CDC42BPA: variants seen among roughly 807,000 people sequenced by gnomAD.
CDC42BPA encodes serine/threonine-protein kinase MRCK alpha.
CDC42BPA carries 80 observed loss-of-function variants against 223.5 expected under a neutral mutation model. The ratio of observed to expected loss-of-function variants is 0.36; its 90% CI spans 0.30 to 0.43. The LOEUF is 0.43. Ranked by LOEUF, CDC42BPA falls within the 20% of genes least tolerant of loss-of-function variation. CDC42BPA has a pLI of 1.00. For synonymous variants in CDC42BPA, 694 were observed against 718.6 expected, an observed-to-expected ratio of 0.97 and a Z score of 0.55; for missense variants, 1,743 against 2,099.9, an observed-to-expected ratio of 0.83 and a Z score of 3.32.
chr1:227,082,442 C>T (rs1485165226), intron 16 of CDC42BPA, among the ~76,000 whole-genome samples: 1 of 151,886 alleles, frequency 6.6e-6, no homozygotes, highest in African/African-American at 2.4e-5. Context: ...TGGCTGGGCA[C>T]GGTGGCTCAC....
intron 2 of CDC42BPA, among the ~76,000 whole-genome samples, chr1:227,242,887 A>C (rs866389260): frequency 8.5e-5 from 13 of 152,238 alleles, no homozygotes; most frequent in Non-Finnish European, 1.6e-4. Context: ...CATTCACTGC[A>C]GCACTATTCA....
intron 1 of CDC42BPA, among the ~76,000 whole-genome samples, chr1:227,258,176 GAAAA>G (rs60156840): frequency 1.8e-5 from 2 of 108,108 alleles, no homozygotes; most frequent in Non-Finnish European, 3.7e-5. Flanking sequence ...CCCTGTCCGG[GAAAA>G]AAAAAAAAAA....
rs569879499 is a variant in CDC42BPA, at chr1:227,129,666, C to CAAAAA, written c.1391-440_1391-436dup. Among the ~76,000 whole-genome samples, 51 of 33,918 alleles carry CAAAAA rather than the reference C, an allele frequency of 1.5e-3. 2 individuals carry two copies. The highest frequency in any genetic ancestry group is 5.4e-3 in the African/African-American group (39 of 7,250). The allele number at this position is 33,918 out of a possible 152,430, so 22.3% of individuals were successfully genotyped here. ...TGGGAGACAAAGTGAGACTGTATCTCAAAAAAAAAAAAAAAAAAAAAAAAA... is the reference window on the plus strand; with the variant it reads ...TGGGAGACAAAGTGAGACTGTATCTCAAAAAAAAAAAAAAAAAAAAAAAAAAAAAA... On this transcript the variant is annotated intron_variant, in intron 10 of 36. Coordinates refer to ENST00000366766, the MANE Select transcript of CDC42BPA (RefSeq NM_001394014.1).
intron 32 of CDC42BPA, among the ~76,000 whole-genome samples, chr1:227,020,204 G>C (rs1327767298): frequency 5.3e-5 from 8 of 152,164 alleles, no homozygotes; most frequent in Non-Finnish European, 1.0e-4. Context: ...CCGAGTTACT[G>C]TAACTCTTAA....
In CDC42BPA at chr1:227,208,900, T is replaced by C. The variant is rs1170437909; in HGVS notation, c.354+4236A>G. ...TTTTCCAATTCTGTGAAGAAAGTCATTGGTAGCTTTATGGGGATGGCATTG... is the reference window on the plus strand; with the variant it reads ...TTTTCCAATTCTGTGAAGAAAGTCACTGGTAGCTTTATGGGGATGGCATTG... On this transcript the variant is annotated intron_variant, in intron 3 of 36. Coordinates refer to ENST00000366766, the MANE Select transcript of CDC42BPA (RefSeq NM_001394014.1). Among the ~76,000 whole-genome samples the C allele has an allele frequency of 4.6e-5, 7 of 152,228 alleles. No individual in the cohort carries two copies. In the South Asian group the frequency reaches 1.2e-3, roughly 27 times the overall value.
At chr1:227,267,065 T>C (rs61834624) in intron 1 of CDC42BPA, among the ~76,000 whole-genome samples, 10,389 of 152,180 alleles carry the variant, frequency 0.068, 495 homozygotes, top group Non-Finnish European at 0.1. Context: ...TAGAAGGATA[T>C]TATAAGATTA....
At chr1:227,108,436 T>TAG in intron 14 of CDC42BPA, among the ~76,000 whole-genome samples, 1 of 152,150 alleles carries the variant, frequency 6.6e-6, no homozygotes, top group Non-Finnish European at 1.5e-5. Flanking sequence ...AATTGATTTC[T>TAG]AGCTCCATTC....
intron 6 of CDC42BPA, among the ~76,000 whole-genome samples, chr1:227,152,940 A>G (rs1054602598): frequency 6.6e-6 from 1 of 152,056 alleles, no homozygotes; most frequent in African/African-American, 2.4e-5. Flanking sequence ...AATTAAATAT[A>G]TCCTCATGCC....
chr1:227,265,143 T>C (rs2670470), intron 1 of CDC42BPA: 608,557 of 735,644 alleles, frequency 0.83, 252,295 homozygotes, highest in East Asian at 0.88. Flanking sequence ...GTACTAAGAT[T>C]CCAGCAACCA....
At chr1:227,220,559 C>T (rs553986012) in intron 2 of CDC42BPA, among the ~76,000 whole-genome samples, 11 of 152,018 alleles carry the variant, frequency 7.2e-5, no homozygotes, top group Non-Finnish European at 1.6e-4. Context: ...CCTGCCACCA[C>T]AAACTATCCC....
At chr1:227,115,105 T>C (rs1441272333) in intron 12 of CDC42BPA, among the ~76,000 whole-genome samples, 1 of 152,076 alleles carries the variant, frequency 6.6e-6, no homozygotes, top group African/African-American at 2.4e-5. Context: ...CACTTGAAAA[T>C]TGTTTAGATG....
intron 1 of CDC42BPA, among the ~76,000 whole-genome samples, chr1:227,311,354 T>C (rs1323502453): frequency 2.0e-5 from 3 of 152,108 alleles, no homozygotes; most frequent in African/African-American, 7.2e-5. Flanking sequence ...TCTTGACTCA[T>C]CAAGACAGGG....
chr1:227,105,653 C>T (rs959141103), intron 14 of CDC42BPA, among the ~76,000 whole-genome samples: 2 of 152,120 alleles, frequency 1.3e-5, no homozygotes, highest in Non-Finnish European at 1.5e-5. Context: ...TGCATCGGGC[C>T]TGAATTTGCC....
chr1:227,199,451 A>G, intron 4 of CDC42BPA, 106 bp downstream of exon 4: 1 of 687,828 alleles, frequency 1.5e-6, no homozygotes, highest in South Asian at 1.9e-5. Flanking sequence ...TATGAAATGC[A>G]CTTAATTTTC....
In CDC42BPA at chr1:226,994,103, T is replaced by C; in HGVS notation, c.*165A>G. ...TGTTGTTGCTGTTAGGCTGGGGGCG[T>C]GGATCTGAGAGTCGTGTCGTCAGAA... On this transcript the variant is annotated 3_prime_UTR_variant, in exon 37 of 37. Coordinates refer to ENST00000366766, the MANE Select transcript of CDC42BPA (RefSeq NM_001394014.1). The surrounding 1 kb of genome is among the most constrained non-coding windows in gnomAD (Gnocchi z 4.0). The C allele has an allele frequency of 3.4e-6, 2 of 581,350 alleles. No individual in the cohort carries two copies. The highest frequency in any genetic ancestry group is 6.0e-6 in the Non-Finnish European group (2 of 332,198). 36.0% of individuals were successfully genotyped at this position (581,350 alleles called of 1,614,324 possible).
chr1:227,032,881 G>C (rs1032373777), intron 27 of CDC42BPA, among the ~76,000 whole-genome samples: 1 of 152,184 alleles, frequency 6.6e-6, no homozygotes, highest in Non-Finnish European at 1.5e-5. Context: ...GACACCACAA[G>C]AACTGTACAG....
chr1:226,991,697 T>G lies in CDC42BPA; in HGVS notation c.*2571A>C, dbSNP rs547462588. 1 of 151,974 alleles carries G rather than the reference T, an allele frequency of 6.6e-6. No individual in the cohort carries two copies. The highest frequency in any genetic ancestry group is 2.1e-4 in the South Asian group (1 of 4,808). The allele number at this position is 151,974 out of a possible 1,614,324, so 9.4% of individuals were successfully genotyped here. The stretch of plus-strand genomic sequence containing the variant: ...GGCAACCTAGACAAGCCTCAGTAGC[T>G]CTCTCTCTCTGCCCTGTTGGGAGGC... On this transcript the variant is annotated 3_prime_UTR_variant, in exon 37 of 37. Coordinates refer to ENST00000366766, the MANE Select transcript of CDC42BPA (RefSeq NM_001394014.1).
intron 23 of CDC42BPA, among the ~76,000 whole-genome samples, chr1:227,046,238 T>C (rs773091940): frequency 3.3e-5 from 5 of 152,116 alleles, no homozygotes; most frequent in Admixed American, 2.6e-4. Context: ...AAACATATGA[T>C]GTGCTTGTTA....
At chr1:227,035,334 G>T in intron 25 of CDC42BPA, 137 bp downstream of exon 25, 2 of 642,084 alleles carry the variant, frequency 3.1e-6, no homozygotes, top group Non-Finnish European at 2.5e-6. Context: ...CATTATTCTA[G>T]ATGAAATAAA....
Sources: allele counts gnomAD v4.1 joint callset (sites outside exome capture counted in the v4.1 genomes callset), GRCh38; gene constraint gnomAD v4.1.1; non-coding constraint Gnocchi (gnomAD v3.1); transcripts MANE v1.5; gene names NCBI Gene and HGNC (gene_info 2026-07-23, HGNC 2026-07-21).